TAMALIN: variants seen among roughly 807,000 people sequenced by gnomAD.
TAMALIN encodes the protein trafficking regulator and scaffold protein tamalin.
TAMALIN carries 9 observed loss-of-function variants against 38.5 expected under a neutral mutation model. That is an observed-to-expected ratio of 0.23 (90% CI 0.14 to 0.41). TAMALIN has a LOEUF of 0.41. Ranked by LOEUF, TAMALIN falls within the 10% of genes least tolerant of loss-of-function variation. The probability of loss-of-function intolerance (pLI) is 1.00; values close to 1 mark genes in which losing one functional copy is unlikely to be tolerated. For missense variants in TAMALIN, 548 were observed against 554.1 expected (o/e 0.99, Z 0.11); for synonymous variants, 306 against 256.5 (o/e 1.19, Z -1.85).
In TAMALIN at chr12:52,014,835, G is replaced by T; in HGVS notation, c.824G>T (p.Arg275Leu). 7.8e-7 allele frequency: 1 copy of T among 1,282,516 alleles called. No individual in the cohort carries two copies. Among genetic ancestry groups the T allele is most frequent in the Non-Finnish European group, 9.9e-7 (1 of 1,014,350 alleles). 79.4% of individuals were successfully genotyped at this position (1,282,516 alleles called of 1,614,324 possible). A position where few individuals can be genotyped will look rare whatever the true frequency, so the allele number is the denominator to read the frequency against. The change falls in exon 8 of 8, where the codon CGG (arginine) becomes CTG (leucine). Residue 275 changes from arginine (R) to leucine (L), a missense_variant. Arg to Leu is a moderately radical substitution (Grantham distance 102). Coordinates refer to ENST00000293662, the MANE Select transcript of TAMALIN (RefSeq NM_181711.4). ...VPGRPRGGAR[R>L]ARGDADDAVY... ...GGGCGTCCCCGCGGAGGCGCCCGACGGGCCAGGGGCGACGCCGACGACGCC... is the reference window on the plus strand; with the variant it reads ...GGGCGTCCCCGCGGAGGCGCCCGACTGGCCAGGGGCGACGCCGACGACGCC...
Position 52,007,229 on chromosome 12 carries a change from G to A in TAMALIN, c.210G>A (p.Ala70=), listed in dbSNP as rs1394171613. The A allele has an allele frequency of 1.4e-6, 2 of 1,432,386 alleles. No individual in the cohort carries two copies. Among genetic ancestry groups the A allele is most frequent in the South Asian group, 1.5e-5 (1 of 65,590 alleles). The allele number at this position is 1,432,386 out of a possible 1,614,324, so 88.7% of individuals were successfully genotyped here. The change falls in exon 1 of 8, where the codon GCG becomes GCA. Residue 70 remains alanine, a synonymous_variant. Transcript: ENST00000293662. The surrounding 1 kb of genome is among the most constrained non-coding windows in gnomAD (Gnocchi z 6.7). The part of the protein sequence containing the change: ...EDYHPAELYR[A]LAVSGGTLPR... Reference sequence around the variant, plus strand: ...ATCACCCTGCCGAGCTGTACCGCGCGCTCGCCGTGTCCGGGGGCACCCTGC... The same window carrying A: ...ATCACCCTGCCGAGCTGTACCGCGCACTCGCCGTGTCCGGGGGCACCCTGC...
At position 52,013,866 on chromosome 12, in the gene TAMALIN, T is replaced by G. The variant is rs752985311; in HGVS notation, c.549-11T>G. ...CTGTGGCTCACTCAGGCTTTGATTC[T>G]CCAACCTCAGACTGGAAACTCTATA... On this transcript the variant is annotated splice_polypyrimidine_tract_variant and intron_variant, in intron 5 of 7. Coordinates refer to ENST00000293662, the MANE Select transcript of TAMALIN (RefSeq NM_181711.4). 1 of 1,614,104 alleles carries G rather than the reference T, an allele frequency of 6.2e-7. No homozygotes were observed. The highest frequency in any genetic ancestry group is 1.3e-5 in the African/African-American group (1 of 75,022).
rs1937630491 is a variant in TAMALIN, at chr12:52,010,955, G to A, written c.351+20G>A. ...ATCCAGGTGGGAGAAGCTGCACACA[G>A]GGGTCAGGGGGGTTGGATGACCAGC... On this transcript the variant is annotated intron_variant, in intron 3 of 7. Transcript: ENST00000293662. The A allele has an allele frequency of 1.9e-6, 3 of 1,614,016 alleles. No individual in the cohort carries two copies. In the African/African-American group the frequency reaches 4.0e-5, roughly 22 times the overall value.
intron 6 of TAMALIN, 60 bp downstream of exon 6, chr12:52,014,003 G>T (rs543477430): frequency 3.8e-6 from 6 of 1,577,380 alleles, no homozygotes; most frequent in East Asian, 2.2e-5. Flanking sequence ...TCTGCCCTGT[G>T]GGGGGTCACT....
chr12:52,007,074 C>G lies in TAMALIN; in HGVS notation c.55C>G (p.Pro19Ala). The G allele has an allele frequency of 6.8e-7, 1 of 1,471,412 alleles. No individual in the cohort carries two copies. Among genetic ancestry groups the G allele is most frequent in the East Asian group, 3.0e-5 (1 of 33,734 alleles). The allele number at this position is 1,471,412 out of a possible 1,614,324, so 91.1% of individuals were successfully genotyped here. The change falls in exon 1 of 8, where the codon CCG (proline) becomes GCG (alanine). Residue 19 changes from proline to alanine, a missense_variant. Pro to Ala is a conservative substitution (Grantham distance 27). Around this residue, in one of 3 missense-constraint regions of TAMALIN, gnomAD observed 128 missense variants for 117.9 expected, o/e 1.09. Transcript: ENST00000293662. The surrounding 1 kb of genome is among the most constrained non-coding windows in gnomAD (Gnocchi z 6.7). ...GCAGAAGGAGGAGGCGGCGGCCACC[C>G]CGGACCCCGCCGCCCGGACTCCCGA... ...LQQKEEAAAT[P>A]DPAARTPDSE...
At position 52,007,811 on chromosome 12, in the gene TAMALIN, C is replaced by G. The variant is rs1448329885; in HGVS notation, c.246+546C>G. The G allele has an allele frequency of 2.0e-6, 2 of 985,450 alleles. No homozygotes were observed. The highest frequency in any genetic ancestry group is 2.4e-6 in the Non-Finnish European group (2 of 829,924). The allele number at this position is 985,450 out of a possible 1,614,324, so 61.0% of individuals were successfully genotyped here. Reference sequence around the variant, plus strand: ...GCCTGCCGCCTGGCCCCACGTCTGACGTACGGGGCGCGAGGGCCACTGCTC... The same window carrying G: ...GCCTGCCGCCTGGCCCCACGTCTGAGGTACGGGGCGCGAGGGCCACTGCTC... On this transcript the variant is annotated intron_variant, in intron 1 of 7. Coordinates refer to ENST00000293662, the MANE Select transcript of TAMALIN (RefSeq NM_181711.4). This position sits in a 1 kb window ranked among gnomAD's most constrained non-coding sequence, Gnocchi z 6.7.
intron 4 of TAMALIN, among the ~76,000 whole-genome samples, chr12:52,012,433 T>C (rs1937672673): frequency 6.6e-6 from 1 of 152,158 alleles, no homozygotes; most frequent in African/African-American, 2.4e-5. Context: ...TTTGTATTTT[T>C]AGTAGAGATG....
rs923889413 is a variant in TAMALIN, at chr12:52,007,690, C to T, written c.246+425C>T. ...GGTGGGAGAAGCGGGCCGGTGGCTG[C>T]GCCGCGTGCGTTCTCACTCTGAGGA... On this transcript the variant is annotated intron_variant, in intron 1 of 7. Coordinates refer to ENST00000293662, the MANE Select transcript of TAMALIN (RefSeq NM_181711.4). This position sits in a 1 kb window ranked among gnomAD's most constrained non-coding sequence, Gnocchi z 6.7. The T allele has an allele frequency of 1.0e-6, 1 of 985,430 alleles. No individual in the cohort carries two copies. The highest frequency in any genetic ancestry group is 1.2e-6 in the Non-Finnish European group (1 of 829,918). The allele number at this position is 985,430 out of a possible 1,614,324, so 61.0% of individuals were successfully genotyped here. A position where few individuals can be genotyped will look rare whatever the true frequency, so the allele number is the denominator to read the frequency against.
At chr12:52,009,585 G>A (rs985212183) in intron 2 of TAMALIN, among the ~76,000 whole-genome samples, 1 of 152,150 alleles carries the variant, frequency 6.6e-6, no homozygotes, top group Non-Finnish European at 1.5e-5. Flanking sequence ...GCTCCCCTGA[G>A]CCCTCCTAGC....
rs773310666 is a variant in TAMALIN at position 52,011,382 on chromosome 12, G to A, written c.454+241G>A. 1.7e-5 allele frequency: 11 copies of A among 637,016 alleles called. No homozygotes were observed. Among genetic ancestry groups the A allele is most frequent in the African/African-American group, 5.5e-5 (3 of 54,800 alleles). 39.5% of individuals were successfully genotyped at this position (637,016 alleles called of 1,614,324 possible). ...ATAATGCATCCAAACATCACAGTGC[G>A]GCAAGGGGATTCCCTGGGCACACTG... On this transcript the variant is annotated intron_variant, in intron 4 of 7. Coordinates refer to ENST00000293662, the MANE Select transcript of TAMALIN (RefSeq NM_181711.4). This position sits in a 1 kb window ranked among gnomAD's most constrained non-coding sequence, Gnocchi z 5.3.
In TAMALIN at chr12:52,015,086, G is replaced by A; in HGVS notation, c.1075G>A (p.Ala359Thr). 2 of 1,540,018 alleles carry A rather than the reference G, an allele frequency of 1.3e-6. No individual in the cohort carries two copies. The highest frequency in any genetic ancestry group is 2.4e-5 in the East Asian group (1 of 41,192). The change falls in exon 8 of 8, where the codon GCC becomes ACC. Residue 359 changes from alanine (A) to threonine (T), a missense_variant. Transcript: ENST00000293662. ...GALWTEAREQ[A>T]LCGPGLRKTK... is the part of the protein sequence containing the mutation. ...GCTCTGGACTGAGGCTCGCGAGCAG[G>A]CCCTATGCGGCCCCGGCCTGCGCAA... is the stretch of plus-strand genomic sequence containing the variant.
chr12:52,009,655 C>G (rs1172079696), intron 2 of TAMALIN, among the ~76,000 whole-genome samples: 1 of 152,224 alleles, frequency 6.6e-6, no homozygotes, highest in East Asian at 1.9e-4. Flanking sequence ...TTGGGGCTGG[C>G]TGCCCCTGCC....
In TAMALIN at chr12:52,014,803, C is replaced by T. The variant is rs765464266; in HGVS notation, c.792C>T (p.Ala264=). ...PGSLPFGPLL[A]VPGRPRGGAR... ...CGCTGCCCTTCGGGCCTCTGCTCGCCGTGCCCGGGCGTCCCCGCGGAGGCG... is the reference window on the plus strand; with the variant it reads ...CGCTGCCCTTCGGGCCTCTGCTCGCTGTGCCCGGGCGTCCCCGCGGAGGCG... The change falls in exon 8 of 8, where the codon GCC becomes GCT. Residue 264 remains alanine (A), a synonymous_variant. Transcript: ENST00000293662. The T allele has an allele frequency of 8.7e-6, 12 of 1,376,846 alleles. No homozygotes were observed. Among genetic ancestry groups the T allele is most frequent in the South Asian group, 3.2e-5 (2 of 62,260 alleles). The allele number at this position is 1,376,846 out of a possible 1,614,324, so 85.3% of individuals were successfully genotyped here.
At chr12:52,008,584 G>A in intron 1 of TAMALIN, 2 of 985,402 alleles carry the variant, frequency 2.0e-6, no homozygotes, top group Non-Finnish European at 2.4e-6. Flanking sequence ...TCCACAACTG[G>A]TCCTTGAAAC....
intron 1 of TAMALIN, chr12:52,008,791 C>A: frequency 1.0e-6 from 1 of 981,608 alleles, no homozygotes; most frequent in Non-Finnish European, 1.2e-6. Context: ...TCCTCTGAAT[C>A]CCACTGGGGA....
Position 52,014,762 on chromosome 12 carries a change from G to A in TAMALIN, c.751G>A (p.Gly251Ser), listed in dbSNP as rs1216178106. 2.0e-6 allele frequency: 3 copies of A among 1,498,860 alleles called. No individual in the cohort carries two copies. Among genetic ancestry groups the A allele is most frequent in the Non-Finnish European group, 2.6e-6 (3 of 1,134,634 alleles). 92.8% of individuals were successfully genotyped at this position (1,498,860 alleles called of 1,614,324 possible). ...GGTGCGCTCCTGCCTCTACGGCGCG[G>A]GCCTGCTCCCGGGCTCGCTGCCCTT... ...ESVRSCLYGA[G>S]LLPGSLPFGP... The change falls in exon 8 of 8, where the codon GGC becomes AGC. Residue 251 changes from glycine to serine, a missense_variant. Around this residue, in one of 3 missense-constraint regions of TAMALIN, gnomAD observed 415 missense variants for 417.0 expected, o/e 1.00. Transcript: ENST00000293662.
intron 7 of TAMALIN, 78 bp downstream of exon 7, chr12:52,014,279 G>A: frequency 3.2e-6 from 4 of 1,251,534 alleles, no homozygotes; most frequent in South Asian, 1.3e-5. Context: ...CAGAACTGGC[G>A]GGTTCTAGTA....
rs1937784927 is a variant in TAMALIN at position 52,015,344 on chromosome 12, G to A, written c.*145G>A. 1 of 1,011,446 alleles carries A rather than the reference G, an allele frequency of 9.9e-7. No homozygotes were observed. Among genetic ancestry groups the A allele is most frequent in the African/African-American group, 1.7e-5 (1 of 58,216 alleles). 62.7% of individuals were successfully genotyped at this position (1,011,446 alleles called of 1,614,324 possible). On this transcript the variant is annotated 3_prime_UTR_variant, in exon 8 of 8. Transcript: ENST00000293662. The stretch of plus-strand genomic sequence containing the variant: ...GCCTCGGCCCGCCGGGTCGGTTCCT[G>A]GCTGGTGTCTGCTGAGGGAGTGGGG...
Position 52,014,834 on chromosome 12 carries a change from C to T in TAMALIN, c.823C>T (p.Arg275Trp), listed in dbSNP as rs1937753974. The T allele has an allele frequency of 7.7e-7, 1 of 1,304,526 alleles. No individual in the cohort carries two copies. Among genetic ancestry groups the T allele is most frequent in the East Asian group, 3.5e-5 (1 of 28,704 alleles). 80.8% of individuals were successfully genotyped at this position (1,304,526 alleles called of 1,614,324 possible). Residue 275 changes from arginine (R) to tryptophan (W), a missense_variant, in exon 8 of 8, where the codon CGG becomes TGG. Arg to Trp is a moderately radical substitution (Grantham distance 101). Transcript: ENST00000293662. Reference protein sequence around the residue: ...VPGRPRGGARRARGDADDAVY... With the variant: ...VPGRPRGGARWARGDADDAVY... ...CGGGCGTCCCCGCGGAGGCGCCCGA[C>T]GGGCCAGGGGCGACGCCGACGACGC...
Sources: gnomAD v4.1 joint callset for allele counts (sites outside exome capture counted in the v4.1 genomes callset) on GRCh38, gnomAD v4.1.1 for gene constraint, gnomAD v4.1.1 regional missense constraint, Gnocchi (gnomAD v3.1) non-coding constraint, MANE v1.5 for transcripts, NCBI Gene and HGNC (gene_info 2026-07-23, HGNC 2026-07-21) for gene names.